The following CSTPP1 variants were observed in gnomAD, a reference collection of about 807,000 sequenced individuals.
The protein encoded by CSTPP1 is centriolar satellite-associated tubulin polyglutamylase complex regulator 1, also known as UPF0705 protein C11orf49.
At chr11:47,141,932 CAAAAAAAAAA>C in the CSTPP1 span, among the ~76,000 whole-genome samples, 22 of 37,868 alleles carry the variant, frequency 5.8e-4, no homozygotes, top group African/African-American at 2.1e-3. Context: ...GACTCTGTCT[CAAAAAAAAAA>C]AAAAAAAAAA....
At chr11:46,988,947 C>G in the CSTPP1 span, among the ~76,000 whole-genome samples, 1 of 152,002 alleles carries the variant, frequency 6.6e-6, no homozygotes, top group South Asian at 2.1e-4. Flanking sequence ...AAGGTCATAC[C>G]TAGGCCAGGC....
the CSTPP1 span, among the ~76,000 whole-genome samples, chr11:46,980,744 T>G: frequency 1.3e-5 from 2 of 152,150 alleles, no homozygotes; most frequent in African/African-American, 4.8e-5. Flanking sequence ...ATGTATAGAA[T>G]TATCTACAAG....
the CSTPP1 span, among the ~76,000 whole-genome samples, chr11:47,117,918 C>T: frequency 7.4e-6 from 1 of 134,704 alleles, no homozygotes; most frequent in South Asian, 2.4e-4. Flanking sequence ...CTCACTGTGT[C>T]GCCCAGGCTA....
chr11:47,114,652 G>A, the CSTPP1 span, among the ~76,000 whole-genome samples: 2 of 152,164 alleles, frequency 1.3e-5, no homozygotes, highest in Non-Finnish European at 2.9e-5. Flanking sequence ...TGGTGTATAA[G>A]AATGCTTGTG....
the CSTPP1 span, among the ~76,000 whole-genome samples, chr11:47,000,913 C>A: frequency 6.6e-6 from 1 of 152,132 alleles, no homozygotes; most frequent in Non-Finnish European, 1.5e-5. Flanking sequence ...GTATTATCCT[C>A]ATTTTACTCA....
chr11:47,057,863 C>T, the CSTPP1 span, among the ~76,000 whole-genome samples: 1 of 152,124 alleles, frequency 6.6e-6, no homozygotes, highest in African/African-American at 2.4e-5. Context: ...AGGGAAGAGA[C>T]CTCAAAACAC....
At chr11:47,012,008 C>T in the CSTPP1 span, among the ~76,000 whole-genome samples, 1 of 152,044 alleles carries the variant, frequency 6.6e-6, no homozygotes, top group Non-Finnish European at 1.5e-5. Context: ...GACATGATGG[C>T]TCGTGCCTAT....
chr11:47,131,804 T>A, the CSTPP1 span, among the ~76,000 whole-genome samples: 56 of 152,054 alleles, frequency 3.7e-4, 3 homozygotes, highest in African/African-American at 1.3e-3. Context: ...TGGTGAAACC[T>A]CACCTCTACT....
At chr11:47,104,282 A>G in the CSTPP1 span, among the ~76,000 whole-genome samples, 2 of 152,190 alleles carry the variant, frequency 1.3e-5, no homozygotes, top group Admixed American at 6.5e-5. Context: ...CATGGGGCCC[A>G]CTCATCTCCA....
At chr11:46,943,171 T>C in the CSTPP1 span, among the ~76,000 whole-genome samples, 1 of 152,346 alleles carries the variant, frequency 6.6e-6, no homozygotes, top group African/African-American at 2.4e-5. Flanking sequence ...ACCCTAAACA[T>C]GAGTAGCTAA....
chr11:47,017,009 ATT>A, the CSTPP1 span, among the ~76,000 whole-genome samples: 6 of 134,588 alleles, frequency 4.5e-5, no homozygotes, highest in Non-Finnish European at 6.4e-5. Context: ...CGCCTGGCTA[ATT>A]TTTTTTTTTT....
chr11:47,083,662 A>C, the CSTPP1 span, among the ~76,000 whole-genome samples: 1 of 152,124 alleles, frequency 6.6e-6, no homozygotes, highest in Admixed American at 6.5e-5. Context: ...GTATCTCACT[A>C]TCCTTTTGAT....
At chr11:47,159,747 T>G in the CSTPP1 span, 1 of 455,160 alleles carries the variant, frequency 2.2e-6, no homozygotes, top group Non-Finnish European at 4.4e-6. Flanking sequence ...GGCTCACGCC[T>G]GTAATCCCAA....
At chr11:47,035,816 T>G in the CSTPP1 span, among the ~76,000 whole-genome samples, 2 of 151,912 alleles carry the variant, frequency 1.3e-5, no homozygotes, top group South Asian at 4.1e-4. Flanking sequence ...TCTGTGAGTT[T>G]TTTTTAAATT....
chr11:47,052,558 C>T, the CSTPP1 span: 1 of 1,601,472 alleles, frequency 6.2e-7, no homozygotes, highest in Non-Finnish European at 8.5e-7. Flanking sequence ...TTCCTTCCTT[C>T]CTTCCTTTCT....
chr11:47,023,524 C>T, the CSTPP1 span: 1 of 152,170 alleles, frequency 6.6e-6, no homozygotes. Context: ...TGTTCTGCAA[C>T]CATCACTGTC....
At chr11:47,086,059 A>G in the CSTPP1 span, among the ~76,000 whole-genome samples, 1 of 151,774 alleles carries the variant, frequency 6.6e-6, no homozygotes, top group African/African-American at 2.4e-5. Flanking sequence ...CTTGACATCC[A>G]TCTTAGGTAA....
At chr11:47,092,025 A>G in the CSTPP1 span, among the ~76,000 whole-genome samples, 1 of 152,344 alleles carries the variant, frequency 6.6e-6, no homozygotes, top group South Asian at 2.1e-4. Flanking sequence ...ATAGGAATTG[A>G]ATACATATCC....
chr11:46,975,830 G>C, the CSTPP1 span, among the ~76,000 whole-genome samples: 163 of 152,332 alleles, frequency 1.1e-3, no homozygotes, highest in African/African-American at 3.5e-3. Context: ...GCAGTGGTAA[G>C]AATAGTAATG....
Sources: allele counts gnomAD v4.1 joint callset (sites outside exome capture counted in the v4.1 genomes callset), GRCh38; gene constraint gnomAD v4.1.1; transcripts MANE v1.5; gene names NCBI Gene and HGNC (gene_info 2026-07-23, HGNC 2026-07-21).